IBTK: variants seen among roughly 807,000 people sequenced by gnomAD.
IBTK encodes inhibitor of Bruton tyrosine kinase.
In IBTK, 83 loss-of-function variants were observed where a neutral mutation model predicts 154.9. The ratio of observed to expected loss-of-function variants is 0.54; its 90% confidence interval spans 0.45 to 0.64. The LOEUF is 0.64. Among genes scored for constraint, IBTK ranks in the 30% least tolerant of loss-of-function variants. IBTK has a pLI of 0.00. For missense variants in IBTK, 1,332 were observed against 1,584.6 expected, an observed-to-expected ratio of 0.84 and a Z score of 2.71; for synonymous variants, 515 against 536.1, an observed-to-expected ratio of 0.96 and a Z score of 0.54.
chr6:82,227,064 T>A (rs1195511977), intron 5 of IBTK, 128 bp downstream of exon 5: 1 of 554,008 alleles, frequency 1.8e-6, no homozygotes, highest in Non-Finnish European at 3.2e-6. Context: ...ACAGATTTTT[T>A]AAAATCTATT....
intron 12 of IBTK, among the ~76,000 whole-genome samples, chr6:82,214,016 C>T (rs1000501524): frequency 2.0e-5 from 3 of 151,634 alleles, no homozygotes; most frequent in Non-Finnish European, 2.9e-5. Context: ...AATGCAGTGG[C>T]GCAATCTCGG....
chr6:82,216,321 G>T, intron 10 of IBTK, 71 bp from the exon 11 acceptor site: 3 of 1,001,406 alleles, frequency 3.0e-6, no homozygotes, highest in Non-Finnish European at 4.4e-6. Flanking sequence ...AGAAGTAAAT[G>T]GAATAGAAAA....
chr6:82,187,198 G>T (rs973301044), intron 25 of IBTK, among the ~76,000 whole-genome samples: 1 of 152,084 alleles, frequency 6.6e-6, no homozygotes, highest in African/African-American at 2.4e-5. Flanking sequence ...TTACAGGCAT[G>T]AGCCATCATG....
chr6:82,208,574 T>C (rs1769501897), intron 16 of IBTK, among the ~76,000 whole-genome samples: 1 of 151,966 alleles, frequency 6.6e-6, no homozygotes, highest in Admixed American at 6.6e-5. Context: ...AGGCTCTGTC[T>C]CTAAAAAAAT....
chr6:82,223,059 T>C (rs1770157132), intron 8 of IBTK, among the ~76,000 whole-genome samples: 1 of 152,088 alleles, frequency 6.6e-6, no homozygotes, highest in Admixed American at 6.6e-5. Flanking sequence ...TATATGATTA[T>C]ATTCTAAAGA....
rs1461887402 is a variant in IBTK, at chr6:82,242,369, C to T, written c.-357-1526G>A. On this transcript the variant is annotated intron_variant, in intron 1 of 28. Transcript: ENST00000306270. ...GGGCAACAAGAGCAAAACTCTGTAT[C>T]AAAAAAAAAAAAAAATTAATGGCAA... is the stretch of plus-strand genomic sequence containing the variant. Among the ~76,000 whole-genome samples the T allele has an allele frequency of 3.7e-5, 5 of 134,964 alleles. No homozygotes were observed. In the East Asian group the frequency reaches 8.7e-4, roughly 23 times the overall value. 88.5% of individuals were successfully genotyped at this position (134,964 alleles called of 152,430 possible). A position where few individuals can be genotyped will look rare whatever the true frequency, so the allele number is the denominator to read the frequency against.
chr6:82,221,432 T>A (rs1293529792), intron 8 of IBTK, among the ~76,000 whole-genome samples: 2 of 152,196 alleles, frequency 1.3e-5, no homozygotes, highest in Non-Finnish European at 2.9e-5. Context: ...TAAATAGAAA[T>A]GCTTAATTTA....
At position 82,220,806 on chromosome 6, in the gene IBTK, T is replaced by C. The variant is rs145036271; in HGVS notation, c.1125-93A>G. ...AAGTTAGTATTCAAACAACAATCTA[T>C]AGGCAATTATTGTGAAGGTGAAGTA... On this transcript the variant is annotated intron_variant, in intron 8 of 28. Transcript: ENST00000306270. The C allele has an allele frequency of 1.9e-4, 193 of 1,002,776 alleles. No individual in the cohort carries two copies. The East Asian group carries it at 2.1e-3, about 11-fold the overall frequency. 62.1% of individuals were successfully genotyped at this position (1,002,776 alleles called of 1,614,324 possible).
At chr6:82,218,676 G>A (rs1453725611) in intron 9 of IBTK, among the ~76,000 whole-genome samples, 1 of 152,136 alleles carries the variant, frequency 6.6e-6, no homozygotes, top group African/African-American at 2.4e-5. Flanking sequence ...GTAGCTCCAG[G>A]GGACTTGCTA....
intron 8 of IBTK, among the ~76,000 whole-genome samples, chr6:82,221,610 T>A (rs1157488340): frequency 1.1e-4 from 16 of 152,036 alleles, no homozygotes; most frequent in Non-Finnish European, 4.4e-5. Flanking sequence ...CCTTTTAAAT[T>A]AAAGGAAAAA....
intron 23 of IBTK, among the ~76,000 whole-genome samples, chr6:82,193,836 C>G (rs994524183): frequency 6.6e-6 from 1 of 152,134 alleles, no homozygotes; most frequent in Non-Finnish European, 1.5e-5. Flanking sequence ...TGCGTACCAC[C>G]ACGCCTGGCT....
At chr6:82,171,703 T>G in intron 28 of IBTK, 147 bp from the exon 29 acceptor site, 1 of 698,480 alleles carries the variant, frequency 1.4e-6, no homozygotes, top group Non-Finnish European at 2.4e-6. Flanking sequence ...GCATTTTAAA[T>G]CAGGTATCCT....
chr6:82,214,884 T>C, intron 11 of IBTK, 55 bp from the exon 12 acceptor site: 2 of 1,493,490 alleles, frequency 1.3e-6, no homozygotes, highest in African/African-American at 1.4e-5. Flanking sequence ...GAAATCCTTT[T>C]TCATACCTAG....
rs1289727904 is a variant in IBTK at position 82,196,353 on chromosome 6, G to C, written c.3119C>G (p.Pro1040Arg). The change falls in exon 22 of 29, where the codon CCT becomes CGT. Residue 1040 changes from proline (P) to arginine (R), a missense_variant. By Grantham distance (103) the Pro-to-Arg change is moderately radical. Coordinates refer to ENST00000306270, the MANE Select transcript of IBTK (RefSeq NM_015525.4). ...GAAATCAGGGGACTGTAAATCTCTA[G>C]GACTACCCACTCCTGCATAGCTTCC... ...SEGSYAGVGS[P>R]RDLQSPDFTT... 1 of 1,612,252 alleles carries C rather than the reference G, an allele frequency of 6.2e-7. No individual in the cohort carries two copies. Among genetic ancestry groups the C allele is most frequent in the African/African-American group, 1.3e-5 (1 of 74,814 alleles).
chr6:82,232,045 C>CT (rs200662486), intron 3 of IBTK, among the ~76,000 whole-genome samples: 2,639 of 136,382 alleles, frequency 0.019, 34 homozygotes, highest in Non-Finnish European at 0.03. Flanking sequence ...TTCCTTGCTT[C>CT]TTTTTTTTTT....
rs1767918603 is a variant in IBTK at position 82,171,278 on chromosome 6, T to C, written c.*147A>G. 2 of 526,850 alleles carry C rather than the reference T, an allele frequency of 3.8e-6. No individual in the cohort carries two copies. Among genetic ancestry groups the C allele is most frequent in the Non-Finnish European group, 3.2e-6 (1 of 311,664 alleles). 32.6% of individuals were successfully genotyped at this position (526,850 alleles called of 1,614,324 possible). On this transcript the variant is annotated 3_prime_UTR_variant, in exon 29 of 29. Transcript: ENST00000306270. ...AATTTATTTTTAATCATACAAACAT[T>C]ATATGATTTAACTGCAGTAAAGAAA...
intron 8 of IBTK, among the ~76,000 whole-genome samples, chr6:82,220,966 A>ACACAC (rs1770076551): frequency 6.6e-6 from 1 of 151,632 alleles, no homozygotes; most frequent in African/African-American, 2.4e-5. Flanking sequence ...ACACACACAC[A>ACACAC]CACACACACA....
intron 13 of IBTK, among the ~76,000 whole-genome samples, chr6:82,212,493 G>A (rs769860048): frequency 3.3e-5 from 5 of 151,970 alleles, no homozygotes; most frequent in Admixed American, 1.3e-4. Flanking sequence ...GAAAGTCATC[G>A]GAAAGAAAAA....
At chr6:82,223,324 A>G in intron 8 of IBTK, 116 bp downstream of exon 8, 1 of 766,564 alleles carries the variant, frequency 1.3e-6, no homozygotes, top group Non-Finnish European at 1.9e-6. Flanking sequence ...GTTTTTCCTC[A>G]TTCAATTTTT....
Sources: allele counts gnomAD v4.1 joint callset (sites outside exome capture counted in the v4.1 genomes callset), GRCh38; gene constraint gnomAD v4.1.1; transcripts MANE v1.5; gene names NCBI Gene and HGNC (gene_info 2026-07-23, HGNC 2026-07-21).